Variants in ACP1 observed in about 807,000 individuals in gnomAD.
ACP1 encodes low molecular weight phosphotyrosine protein phosphatase.
ACP1 carries 23 observed loss-of-function variants against 23.4 expected under a neutral mutation model. The ratio of observed to expected loss-of-function variants is 0.98; its 90% CI spans 0.71 to 1.39. ACP1 has a LOEUF of 1.39. Ranked by LOEUF, ACP1 falls within the 40% of genes most tolerant of loss-of-function variation. ACP1 has a pLI of 0.00. For missense variants in ACP1, 180 were observed against 197.7 expected, an observed-to-expected ratio of 0.91 and a Z score of 0.54; for synonymous variants, 72 against 67.2, an observed-to-expected ratio of 1.07 and a Z score of -0.35.
intron 3 of ACP1, chr2:274,565 GT>G (rs1670123114): frequency 6.6e-6 from 1 of 152,154 alleles, no homozygotes; most frequent in Admixed American, 6.5e-5. Context: ...TATCACTCCT[GT>G]GTTTCTTTCT....
chr2:267,758 G>T (rs1669928850), intron 1 of ACP1, among the ~76,000 whole-genome samples: 1 of 152,206 alleles, frequency 6.6e-6, no homozygotes, highest in Admixed American at 6.5e-5. Flanking sequence ...GTCCTTTAGG[G>T]CAGGAGTCTG....
intron 3 of ACP1, chr2:272,589 A>C: frequency 1.2e-6 from 1 of 827,310 alleles, no homozygotes; most frequent in South Asian, 2.6e-5. Flanking sequence ...TCCTTCCTGC[A>C]TAATTTTTAT....
At chr2:266,292 A>T (rs539312910) in intron 1 of ACP1, 1 of 152,366 alleles carries the variant, frequency 6.6e-6, no homozygotes, top group East Asian at 1.9e-4. Flanking sequence ...TAGAAGGCTT[A>T]CCTTGTTTCA....
At position 275,104 on chromosome 2, in the gene ACP1, A is replaced by AT. The variant is rs776851261; in HGVS notation, c.232-35dup. The stretch of plus-strand genomic sequence containing the variant: ...TTTGCATCCTCTAGGCTTGAATGGT[A>AT]TAAACACTGTGTTTTGACTTCTTAT... On this transcript the variant is annotated intron_variant, in intron 3 of 5. Coordinates refer to ENST00000272065, the MANE Select transcript of ACP1 (RefSeq NM_004300.4). The AT allele has an allele frequency of 4.0e-6, 5 of 1,241,310 alleles. No individual in the cohort carries two copies. In the East Asian group the frequency reaches 7.1e-5, roughly 18 times the overall value. The allele number at this position is 1,241,310 out of a possible 1,614,324, so 76.9% of individuals were successfully genotyped here. A position where few individuals can be genotyped will look rare whatever the true frequency, so the allele number is the denominator to read the frequency against.
intron 1 of ACP1, among the ~76,000 whole-genome samples, chr2:266,715 G>A (rs2103070284): frequency 6.6e-6 from 1 of 152,262 alleles, no homozygotes; most frequent in South Asian, 2.1e-4. Context: ...CAGACGATCA[G>A]GAATTTCTTT....
chr2:265,466 G>A (rs947492839), intron 1 of ACP1, among the ~76,000 whole-genome samples: 8 of 152,156 alleles, frequency 5.3e-5, no homozygotes, highest in African/African-American at 9.7e-5. Flanking sequence ...GAAGTTTTAC[G>A]GTTTCGGGTT....
intron 1 of ACP1, among the ~76,000 whole-genome samples, chr2:268,744 C>T (rs1030848761): frequency 1.3e-5 from 2 of 152,172 alleles, no homozygotes; most frequent in Admixed American, 1.3e-4. Flanking sequence ...TTTTTAAAGG[C>T]ATTTGAAGAT....
chr2:272,411 G>A, intron 3 of ACP1: 1 of 1,490,140 alleles, frequency 6.7e-7, no homozygotes. Flanking sequence ...TATTTAGGGT[G>A]AGCTTAACCA....
Position 277,768 on chromosome 2 carries a change from T to TC in ACP1, c.*468dup, listed in dbSNP as rs1202972348. 5.4e-6 allele frequency: 1 copy of TC among 184,248 alleles called. No homozygotes were observed. Among genetic ancestry groups the TC allele is most frequent in the African/African-American group, 2.3e-5 (1 of 42,730 alleles). 11.4% of individuals were successfully genotyped at this position (184,248 alleles called of 1,614,324 possible). On this transcript the variant is annotated 3_prime_UTR_variant, in exon 6 of 6. Coordinates refer to ENST00000272065, the MANE Select transcript of ACP1 (RefSeq NM_004300.4). The stretch of plus-strand genomic sequence containing the variant: ...AGGGCCTTTTGTGGATTGACAGTAG[T>TC]CCCCTCCGTAGGAGCTCACAGTCTA...
chr2:272,367 G>T lies in ACP1; in HGVS notation c.231+217G>T, dbSNP rs1425717294. The stretch of plus-strand genomic sequence containing the variant: ...TCCAGTAACTTGAGAAGTAGCGAAA[G>T]GATTAACCAGACTTGTATATTAATG... On this transcript the variant is annotated intron_variant, in intron 3 of 5. Coordinates refer to ENST00000272065, the MANE Select transcript of ACP1 (RefSeq NM_004300.4). 6 of 1,549,900 alleles carry T rather than the reference G, an allele frequency of 3.9e-6. No individual in the cohort carries two copies. The East Asian group carries it at 1.2e-4, about 31-fold the overall frequency.
chr2:266,645 G>A (rs1259582395), intron 1 of ACP1, among the ~76,000 whole-genome samples: 3 of 152,176 alleles, frequency 2.0e-5, no homozygotes, highest in Non-Finnish European at 4.4e-5. Context: ...TAATACCGTT[G>A]CCACCTTAAC....
At chr2:274,594 C>T (rs1011946777) in intron 3 of ACP1, 1 of 152,186 alleles carries the variant, frequency 6.6e-6, no homozygotes, top group Non-Finnish European at 1.5e-5. Context: ...CACCTCTGAC[C>T]ACCCAACTTA....
intron 1 of ACP1, among the ~76,000 whole-genome samples, chr2:270,627 A>T (rs1166945913): frequency 1.3e-5 from 2 of 152,156 alleles, no homozygotes; most frequent in Non-Finnish European, 2.9e-5. Flanking sequence ...AAGTGGAGAT[A>T]GAGTTCAGCT....
chr2:277,887 G>T lies in ACP1; in HGVS notation c.*583G>T, dbSNP rs1220442337. ...GAAACATTTATGGAATCAGTCGTTG[G>T]CACCTTCAATACTTCATGATTTTTG... is the stretch of plus-strand genomic sequence containing the variant. On this transcript the variant is annotated 3_prime_UTR_variant, in exon 6 of 6. Transcript: ENST00000272065. 1.3e-5 allele frequency: 2 copies of T among 153,062 alleles called. No individual in the cohort carries two copies. The highest frequency in any genetic ancestry group is 4.8e-5 in the African/African-American group (2 of 41,446). 9.5% of individuals were successfully genotyped at this position (153,062 alleles called of 1,614,324 possible).
chr2:265,343 G>A (rs1300835215), intron 1 of ACP1: 1 of 284,674 alleles, frequency 3.5e-6, no homozygotes, highest in African/African-American at 2.2e-5. Flanking sequence ...TAGGCCTGGA[G>A]GTTGTCGGAC....
chr2:265,848 G>A (rs1242626963), intron 1 of ACP1, among the ~76,000 whole-genome samples: 2 of 152,076 alleles, frequency 1.3e-5, no homozygotes, highest in Non-Finnish European at 2.9e-5. Context: ...TCACACCCTC[G>A]GGACACTGCC....
Position 272,100 on chromosome 2 carries a change from CAGAGCTGCATGA to C in ACP1, c.186_197del (p.Ser62_Lys65del), listed in dbSNP as rs1218716362. On this transcript the variant is annotated inframe_deletion, in exon 3 of 6. Coordinates refer to ENST00000272065, the MANE Select transcript of ACP1 (RefSeq NM_004300.4). The stretch of plus-strand genomic sequence containing the variant: ...AGGGAACCCCCCTGACTACCGAGGG[CAGAGCTGCATGA>C]AGAGGCACGGCATTCCCATGAGCCA... The C allele has an allele frequency of 6.2e-7, 1 of 1,614,120 alleles. No homozygotes were observed. The highest frequency in any genetic ancestry group is 8.5e-7 in the Non-Finnish European group (1 of 1,180,032).
chr2:272,239 C>T (rs1169045976), intron 3 of ACP1, 89 bp downstream of exon 3: 1 of 1,614,130 alleles, frequency 6.2e-7, no homozygotes, highest in Admixed American at 1.7e-5. Context: ...TGGGCCGGTC[C>T]CCAGACCCAA....
At chr2:270,562 G>A (rs1670000245) in intron 1 of ACP1, among the ~76,000 whole-genome samples, 1 of 151,996 alleles carries the variant, frequency 6.6e-6, no homozygotes, top group African/African-American at 2.4e-5. Context: ...CTGCTGTAGT[G>A]TATTGTTTAT....
Sources: allele counts gnomAD v4.1 joint callset (sites outside exome capture counted in the v4.1 genomes callset), GRCh38; gene constraint gnomAD v4.1.1; transcripts MANE v1.5; gene names NCBI Gene and HGNC (gene_info 2026-07-23, HGNC 2026-07-21).